NLGN1: variants seen among roughly 807,000 people sequenced by gnomAD.
NLGN1 encodes the protein neuroligin-1.
NLGN1 carries 12 observed loss-of-function variants against 65.5 expected under a neutral mutation model. The ratio of observed to expected loss-of-function variants is 0.18; its 90% CI spans 0.12 to 0.30. The LOEUF is 0.30. Ranked by LOEUF, NLGN1 falls within the 10% of genes least tolerant of loss-of-function variation. NLGN1 has a pLI of 1.00. For missense variants in NLGN1, 750 were observed against 1,007.1 expected (o/e 0.74, Z 3.46); for synonymous variants, 350 against 359.5 (o/e 0.97, Z 0.30).
intron 3 of NLGN1, among the ~76,000 whole-genome samples, chr3:173,797,481 C>G (rs1029267408): frequency 6.6e-6 from 1 of 152,022 alleles, no homozygotes; most frequent in African/African-American, 2.4e-5. Context: ...GATAACTGGA[C>G]TTAATCCTCC....
intron 3 of NLGN1, among the ~76,000 whole-genome samples, chr3:173,730,320 G>GCCCCCCCCCCCCC (rs1440876299): frequency 7.2e-5 from 2 of 27,714 alleles, no homozygotes; most frequent in Admixed American, 4.8e-4. Flanking sequence ...CTGCCCCACC[G>GCCCCCCCCCCCCC]CTCCCCCCCC....
At chr3:173,478,998 A>G (rs975501342) in intron 2 of NLGN1, among the ~76,000 whole-genome samples, 1 of 152,188 alleles carries the variant, frequency 6.6e-6, no homozygotes, top group African/African-American at 2.4e-5. Context: ...CAGGGTTGAT[A>G]TCAGTTGAAG....
chr3:174,072,699 G>A (rs1390427927), intron 4 of NLGN1, among the ~76,000 whole-genome samples: 1 of 152,102 alleles, frequency 6.6e-6, no homozygotes, highest in East Asian at 1.9e-4. Flanking sequence ...GAGTGACAGA[G>A]AGAAGGGTAT....
At chr3:174,275,700 CTT>C (rs1031171790) in intron 5 of NLGN1, among the ~76,000 whole-genome samples, 173 bp downstream of exon 5, 2 of 151,832 alleles carry the variant, frequency 1.3e-5, no homozygotes, top group African/African-American at 4.8e-5. Context: ...TCGTCAAACT[CTT>C]TTCTTTGTCT....
At chr3:174,231,439 G>A (rs1185624327) in intron 4 of NLGN1, among the ~76,000 whole-genome samples, 3 of 152,188 alleles carry the variant, frequency 2.0e-5, no homozygotes, top group African/African-American at 7.2e-5. Context: ...GTCTATGAGT[G>A]GTTAATGTAC....
chr3:173,621,698 A>C (rs1285573677), intron 3 of NLGN1, among the ~76,000 whole-genome samples: 1 of 152,136 alleles, frequency 6.6e-6, no homozygotes. Context: ...CAAAGCAGAA[A>C]TTAGTAGAAT....
intron 3 of NLGN1, among the ~76,000 whole-genome samples, chr3:173,698,649 A>T (rs1560191113): frequency 6.6e-6 from 1 of 152,166 alleles, no homozygotes; most frequent in Non-Finnish European, 1.5e-5. Context: ...TTTGCTACAT[A>T]ATTTTTTTTC....
At chr3:173,510,284 T>G (rs1464705211) in intron 2 of NLGN1, among the ~76,000 whole-genome samples, 1 of 152,242 alleles carries the variant, frequency 6.6e-6, no homozygotes, top group East Asian at 1.9e-4. Flanking sequence ...ACCTGCCATT[T>G]AACTTAATAC....
At chr3:173,702,043 TCCCGGCTAAAACGGTGAAAC>T (rs1318275547) in intron 3 of NLGN1, among the ~76,000 whole-genome samples, 1 of 151,768 alleles carries the variant, frequency 6.6e-6, no homozygotes, top group African/African-American at 2.4e-5. Flanking sequence ...ATCGAGACCA[TCCCGGCTAAAACGGTGAAAC>T]CCCGTCTCTA....
intron 4 of NLGN1, among the ~76,000 whole-genome samples, chr3:174,064,953 A>G (rs185179207): frequency 6.6e-6 from 1 of 151,556 alleles, no homozygotes; most frequent in Admixed American, 6.6e-5. Flanking sequence ...GTCTTATAAA[A>G]CATTAAAAAA....
intron 4 of NLGN1, among the ~76,000 whole-genome samples, chr3:174,129,752 T>C (rs28449417): frequency 0.14 from 21,879 of 152,186 alleles, 2,711 homozygotes; most frequent in African/African-American, 0.33. Flanking sequence ...TTTTTTAAAG[T>C]ATGCAAAGTT....
intron 3 of NLGN1, among the ~76,000 whole-genome samples, chr3:173,628,307 C>T (rs1158539187): frequency 1.3e-5 from 2 of 152,096 alleles, no homozygotes; most frequent in Non-Finnish European, 2.9e-5. Flanking sequence ...GGGGGCTAAA[C>T]AACCCCACCT....
chr3:174,222,873 A>G (rs1273162693), intron 4 of NLGN1, among the ~76,000 whole-genome samples: 1 of 152,190 alleles, frequency 6.6e-6, no homozygotes, highest in Non-Finnish European at 1.5e-5. Context: ...CAATTGATAT[A>G]AATGGAAGTG....
In NLGN1 at chr3:173,471,358, A is replaced by G. The variant is rs1576849696; in HGVS notation, c.-321+36280A>G. On this transcript the variant is annotated intron_variant, in intron 2 of 6. Transcript: ENST00000457714. ...TTCTGAGGGCTATGAGGAACAATCT[A>G]TTCCTTGCCTTTCTTTCAGCTTCTG... is the stretch of plus-strand genomic sequence containing the variant. Among the ~76,000 whole-genome samples, 2 of 152,230 alleles carry G rather than the reference A, an allele frequency of 1.3e-5. 1 individual carries two copies. Among genetic ancestry groups the G allele is most frequent in the South Asian group, 4.1e-4 (2 of 4,830 alleles).
intron 4 of NLGN1, among the ~76,000 whole-genome samples, chr3:174,041,104 C>T (rs1221534775): frequency 6.6e-6 from 1 of 152,102 alleles, no homozygotes; most frequent in African/African-American, 2.4e-5. Context: ...TATCAAGATA[C>T]AGACCGTTGT....
At chr3:173,798,725 G>A (rs551656791) in intron 3 of NLGN1, among the ~76,000 whole-genome samples, 11 of 152,046 alleles carry the variant, frequency 7.2e-5, no homozygotes, top group Non-Finnish European at 1.3e-4. Context: ...TTCCCTGTCT[G>A]TGTTTGAAAT....
exon 7 of NLGN1, chr3:174,284,714 A>C (rs1274717344): frequency 6.6e-6 from 1 of 151,398 alleles, no homozygotes; most frequent in East Asian, 1.9e-4. Flanking sequence ...GCTACCACAG[A>C]TATATAACAA....
chr3:174,230,584 C>G (rs1740529499), intron 4 of NLGN1, among the ~76,000 whole-genome samples: 1 of 151,922 alleles, frequency 6.6e-6, no homozygotes, highest in African/African-American at 2.4e-5. Flanking sequence ...AAGTATTCAC[C>G]TTGGCATTAT....
At chr3:173,985,649 T>A (rs1214094610) in intron 4 of NLGN1, among the ~76,000 whole-genome samples, 3 of 152,162 alleles carry the variant, frequency 2.0e-5, no homozygotes, top group Non-Finnish European at 4.4e-5. Flanking sequence ...AATAAAGTAT[T>A]TTTAAAAAAG....
Sources: allele counts gnomAD v4.1 joint callset (sites outside exome capture counted in the v4.1 genomes callset), GRCh38; gene constraint gnomAD v4.1.1; transcripts MANE v1.5; gene names NCBI Gene and HGNC (gene_info 2026-07-23, HGNC 2026-07-21).